The following FSIP2 variants were observed in gnomAD, a reference collection of about 807,000 sequenced individuals.
The protein encoded by FSIP2 is fibrous sheath-interacting protein 2.
FSIP2 carries 367 observed loss-of-function variants against 510.5 expected under a neutral mutation model. The observed-to-expected ratio is 0.72, with a 90% CI of 0.66 to 0.78. The LOEUF (loss-of-function observed/expected upper bound fraction) is 0.78, where lower values mean the gene tolerates loss of function less well. FSIP2 is among the 30% of genes least tolerant of loss of function. The pLI is 0.00. For synonymous variants in FSIP2, 2,601 were observed against 2,732.2 expected, an observed-to-expected ratio of 0.95 and a Z score of 1.50; for missense variants, 7,594 against 7,901.7, an observed-to-expected ratio of 0.96 and a Z score of 1.48.
chr2:185,797,837 C>T, intron 16 of FSIP2: 1 of 247,490 alleles, frequency 4.0e-6, no homozygotes, highest in South Asian at 6.2e-5. Flanking sequence ...GGACCACAGG[C>T]ATGCCACTGC....
chr2:185,778,322 A>G (rs1383163824), intron 13 of FSIP2, among the ~76,000 whole-genome samples: 2 of 152,024 alleles, frequency 1.3e-5, no homozygotes, highest in African/African-American at 2.4e-5. Flanking sequence ...GTAGTAATAC[A>G]TATGATGATT....
chr2:185,800,524 A>G lies in FSIP2; in HGVS notation c.11218A>G (p.Thr3740Ala), dbSNP rs1208241546. The change falls in exon 17 of 23, where the codon ACC becomes GCC. Residue 3740 changes from threonine (T) to alanine (A), a missense_variant. By Grantham distance (58) the Thr-to-Ala change is moderately conservative. Transcript: ENST00000424728. The part of the protein sequence containing the change: ...SNNEQPNSIL[T>A]NNLQLSSKSV... ...TAATGAGCAACCTAATAGCATACTT[A>G]CCAATAACCTACAGCTCTCCTCAAA... 1 of 1,531,072 alleles carries G rather than the reference A, an allele frequency of 6.5e-7. No homozygotes were observed. Among genetic ancestry groups the G allele is most frequent in the Non-Finnish European group, 8.7e-7 (1 of 1,144,850 alleles). The allele number at this position is 1,531,072 out of a possible 1,614,324, so 94.8% of individuals were successfully genotyped here.
Position 185,792,771 on chromosome 2 carries a change from T to A in FSIP2, c.5635T>A (p.Ser1879Thr), listed in dbSNP as rs1256820582. 6.5e-7 allele frequency: 1 copy of A among 1,534,296 alleles called. No homozygotes were observed. The highest frequency in any genetic ancestry group is 2.0e-5 in the Admixed American group (1 of 50,868). Residue 1879 changes from serine to threonine, a missense_variant, in exon 16 of 23, where the codon TCT becomes ACT. Transcript: ENST00000424728. ...AACTATCACTTTTTCAGCAAATGTT[T>A]CTTCTCATGAACACACCTATAAAGG... ...YKTITFSANV[S>T]SHEHTYKGKS...
At chr2:185,746,924 T>G in intron 6 of FSIP2, 114 bp downstream of exon 6, 2 of 755,208 alleles carry the variant, frequency 2.6e-6, no homozygotes, top group South Asian at 2.5e-5. Context: ...TCAAAATAAT[T>G]TGTTACCATT....
chr2:185,806,523 C>G lies in FSIP2; in HGVS notation c.17217C>G (p.Asn5739Lys). 1 of 1,597,716 alleles carries G rather than the reference C, an allele frequency of 6.3e-7. No homozygotes were observed. The highest frequency in any genetic ancestry group is 1.1e-5 in the South Asian group (1 of 87,708). Reference sequence around the variant, plus strand: ...CAAAAAAAGTATCCTCCTCAACTAACAAAAATATCTCTGCCAAAGAAAAAG... The same window carrying G: ...CAAAAAAAGTATCCTCCTCAACTAAGAAAAATATCTCTGCCAAAGAAAAAG... Reference protein sequence around the residue: ...VTTKKVSSSTNKNISAKEKEE... With the variant: ...VTTKKVSSSTKKNISAKEKEE... The change falls in exon 17 of 23, where the codon AAC (asparagine) becomes AAG (lysine). Residue 5739 changes from asparagine to lysine, a missense_variant. Physicochemically the swap from Asn to Lys is moderately conservative, Grantham distance 94. Transcript: ENST00000424728.
chr2:185,808,658 C>T lies in FSIP2; in HGVS notation c.19352C>T (p.Pro6451Leu), dbSNP rs752452618. The T allele has an allele frequency of 1.7e-5, 28 of 1,605,506 alleles. No homozygotes were observed. The highest frequency in any genetic ancestry group is 2.4e-5 in the Non-Finnish European group (28 of 1,176,662). ...ATAAAAGATACAAATACAGCCTTTC[C>T]TAAAAAAGTGGCTAGTTTAATTATT... ...YDIKDTNTAF[P>L]KKVASLIIDG... Residue 6451 changes from proline to leucine, a missense_variant, in exon 17 of 23, where the codon CCT (proline) becomes CTT (leucine). Transcript: ENST00000424728.
In FSIP2 at chr2:185,782,688, A is replaced by T; in HGVS notation, c.1412-17A>T. 1 of 1,468,972 alleles carries T rather than the reference A, an allele frequency of 6.8e-7. No homozygotes were observed. Among genetic ancestry groups the T allele is most frequent in the Non-Finnish European group, 9.2e-7 (1 of 1,085,854 alleles). 91.0% of individuals were successfully genotyped at this position (1,468,972 alleles called of 1,614,324 possible). A position where few individuals can be genotyped will look rare whatever the true frequency, so the allele number is the denominator to read the frequency against. ...GGATGGATACAAACTATGTAATTTT[A>T]TTTTTCTGATAAATAGGACCTCAGG... On this transcript the variant is annotated splice_polypyrimidine_tract_variant and intron_variant, in intron 13 of 22. Transcript: ENST00000424728.
chr2:185,813,961 T>C lies in FSIP2; in HGVS notation c.20244T>C (p.Ala6748=). ...IESKETHVKR[A]VAELDMATPK... Reference sequence around the variant, plus strand: ...CCAAGGAGACACATGTTAAAAGAGCTGTTGCTGAGCTTGACATGGCCACAC... The same window carrying C: ...CCAAGGAGACACATGTTAAAAGAGCCGTTGCTGAGCTTGACATGGCCACAC... Residue 6748 remains alanine (A), a synonymous_variant, in exon 18 of 23, where the codon GCT becomes GCC. Coordinates refer to ENST00000424728, the MANE Select transcript of FSIP2 (RefSeq NM_173651.4). The C allele has an allele frequency of 6.2e-7, 1 of 1,613,550 alleles. No individual in the cohort carries two copies. Among genetic ancestry groups the C allele is most frequent in the Non-Finnish European group, 8.5e-7 (1 of 1,179,676 alleles).
In FSIP2 at chr2:185,809,257, G is replaced by A. The variant is rs559503319; in HGVS notation, c.19827+124G>A. 51 of 1,056,500 alleles carry A rather than the reference G, an allele frequency of 4.8e-5. 1 individual carries two copies. In the South Asian group the frequency reaches 1.0e-3, roughly 21 times the overall value. The allele number at this position is 1,056,500 out of a possible 1,614,324, so 65.4% of individuals were successfully genotyped here. On this transcript the variant is annotated intron_variant, in intron 17 of 22. Coordinates refer to ENST00000424728, the MANE Select transcript of FSIP2 (RefSeq NM_173651.4). ...TTGTTGGTGTTTCTCAGCCCAATAG[G>A]AGAATTAGTTGCATCAGTTCATCCA...
chr2:185,790,114 A>T lies in FSIP2; in HGVS notation c.2978A>T (p.Asn993Ile). ...PRSGRPFPPI[N>I]VPGMVLYSDD... ...TCTGGAAGACCATTTCCACCTATAA[A>T]TGTTCCAGGCATGGTTCTTTATTCT... is the stretch of plus-strand genomic sequence containing the variant. The change falls in exon 16 of 23, where the codon AAT (asparagine) becomes ATT (isoleucine). Residue 993 changes from asparagine to isoleucine, a missense_variant. Physicochemically the swap from Asn to Ile is moderately radical, Grantham distance 149 (BLOSUM62 -3). Transcript: ENST00000424728. 1 of 1,533,840 alleles carries T rather than the reference A, an allele frequency of 6.5e-7. No homozygotes were observed. The highest frequency in any genetic ancestry group is 8.7e-7 in the Non-Finnish European group (1 of 1,145,336).
At chr2:185,755,974 C>A (rs184376848) in intron 8 of FSIP2, among the ~76,000 whole-genome samples, 2 of 151,562 alleles carry the variant, frequency 1.3e-5, no homozygotes, top group Admixed American at 1.3e-4. Context: ...AACATTCTAT[C>A]CCTCCAAATG....
chr2:185,769,204 T>C (rs1324619873), intron 13 of FSIP2, among the ~76,000 whole-genome samples: 1 of 152,184 alleles, frequency 6.6e-6, no homozygotes, highest in African/African-American at 2.4e-5. Context: ...CTTTGAGGAA[T>C]CATCACACGA....
chr2:185,806,568 A>C lies in FSIP2; in HGVS notation c.17262A>C (p.Lys5754Asn). The C allele has an allele frequency of 6.2e-7, 1 of 1,604,590 alleles. No individual in the cohort carries two copies. The highest frequency in any genetic ancestry group is 8.5e-7 in the Non-Finnish European group (1 of 1,177,066). The change falls in exon 17 of 23, where the codon AAA becomes AAC. Residue 5754 changes from lysine (K) to asparagine (N), a missense_variant. Lys to Asn is a moderately conservative substitution (Grantham distance 94). Transcript: ENST00000424728. ...AKEKEEEEREKEKVREEIKSE... is the reference protein window; with the variant it reads ...AKEKEEEERENEKVREEIKSE... Reference sequence around the variant, plus strand: ...AAAAAGAAGAGGAAGAGAGAGAAAAAGAGAAAGTAAGAGAGGAGATTAAAA... The same window carrying C: ...AAAAAGAAGAGGAAGAGAGAGAAAACGAGAAAGTAAGAGAGGAGATTAAAA...
rs1283060015 is a variant in FSIP2, at chr2:185,803,020, C to CT, written c.13716dup (p.Ile4573TyrfsTer3). 1 of 1,529,018 alleles carries CT rather than the reference C, an allele frequency of 6.5e-7. No homozygotes were observed. Among genetic ancestry groups the CT allele is most frequent in the Non-Finnish European group, 8.7e-7 (1 of 1,143,792 alleles). 94.7% of individuals were successfully genotyped at this position (1,529,018 alleles called of 1,614,324 possible). A position where few individuals can be genotyped will look rare whatever the true frequency, so the allele number is the denominator to read the frequency against. The stretch of plus-strand genomic sequence containing the variant: ...AAATATCACAAGCAGTAATGACATT[C>CT]TTATAGATAGAATAGCAGGTTTCAT... On this transcript the variant is annotated frameshift_variant, in exon 17 of 23. Coordinates refer to ENST00000424728, the MANE Select transcript of FSIP2 (RefSeq NM_173651.4). LOFTEE classifies it high-confidence loss of function.
At position 185,804,960 on chromosome 2, in the gene FSIP2, A is replaced by G. The variant is rs1183740297; in HGVS notation, c.15654A>G (p.Ser5218=). The G allele has an allele frequency of 6.5e-7, 1 of 1,537,916 alleles. No homozygotes were observed. The highest frequency in any genetic ancestry group is 8.7e-7 in the Non-Finnish European group (1 of 1,147,622). ...AAGATGCAGACAAAAAAGGATGCTCATTCCTCAGTAAATTAGCTGGTTTTA... is the reference window on the plus strand; with the variant it reads ...AAGATGCAGACAAAAAAGGATGCTCGTTCCTCAGTAAATTAGCTGGTTTTA... ...VQKDADKKGC[S]FLSKLAGFIM... Residue 5218 remains serine (S), a synonymous_variant, in exon 17 of 23, where the codon TCA becomes TCG. Coordinates refer to ENST00000424728, the MANE Select transcript of FSIP2 (RefSeq NM_173651.4).
At chr2:185,753,903 A>G in intron 8 of FSIP2, 61 bp downstream of exon 8, 1 of 1,179,176 alleles carries the variant, frequency 8.5e-7, no homozygotes, top group South Asian at 1.9e-5. Context: ...CTATGTAAAA[A>G]TCCTTGTGTA....
At position 185,792,710 on chromosome 2, in the gene FSIP2, C is replaced by T. The variant is rs1016919029; in HGVS notation, c.5574C>T (p.Ala1858=). 2 of 1,533,832 alleles carry T rather than the reference C, an allele frequency of 1.3e-6. No homozygotes were observed. Among genetic ancestry groups the T allele is most frequent in the Non-Finnish European group, 1.7e-6 (2 of 1,145,418 alleles). The change falls in exon 16 of 23, where the codon GCC becomes GCT. Residue 1858 remains alanine, a synonymous_variant. Coordinates refer to ENST00000424728, the MANE Select transcript of FSIP2 (RefSeq NM_173651.4). ...TATTTCACAAACTTTATTCAGCTGC[C>T]ATGACAGAAAGAAATGTAAGGGAAA... ...RTVFHKLYSA[A]MTERNVRENR...
intron 13 of FSIP2, among the ~76,000 whole-genome samples, chr2:185,780,874 A>G (rs1389056033): frequency 6.6e-6 from 1 of 152,230 alleles, no homozygotes; most frequent in African/African-American, 2.4e-5. Context: ...ACACAGATTC[A>G]TTTTAAATTA....
intron 15 of FSIP2, among the ~76,000 whole-genome samples, chr2:185,787,562 T>C (rs1693018681): frequency 6.6e-6 from 1 of 151,940 alleles, no homozygotes; most frequent in South Asian, 2.1e-4. Flanking sequence ...ACAAGCTCTA[T>C]GTTTTAAGAA....
Sources: gnomAD v4.1 joint callset for allele counts (sites outside exome capture counted in the v4.1 genomes callset) on GRCh38, gnomAD v4.1.1 for gene constraint, MANE v1.5 for transcripts, NCBI Gene and HGNC (gene_info 2026-07-23, HGNC 2026-07-21) for gene names.